FSTL5: variants seen among roughly 807,000 people sequenced by gnomAD.
FSTL5 encodes the protein follistatin like 5.
A neutral mutation model predicts 89.1 loss-of-function variants in FSTL5; 62 were observed. That is an observed-to-expected ratio of 0.70 (90% CI 0.57 to 0.86). FSTL5 has a LOEUF of 0.86. FSTL5 is among the 40% of genes least tolerant of loss of function. The pLI is 0.00. For synonymous variants in FSTL5, 383 were observed against 346.2 expected, an observed-to-expected ratio of 1.11 and a Z score of -1.18; for missense variants, 1,057 against 1,001.6, an observed-to-expected ratio of 1.06 and a Z score of -0.75.
intron 2 of FSTL5, among the ~76,000 whole-genome samples, chr4:162,100,805 T>C (rs1730967080): frequency 6.6e-6 from 1 of 152,162 alleles, no homozygotes; most frequent in Admixed American, 6.5e-5. Context: ...TCAGTTTAGC[T>C]GTGAACCTAA....
intron 3 of FSTL5, among the ~76,000 whole-genome samples, chr4:162,021,923 C>G (rs1356720849): frequency 1.3e-5 from 2 of 151,796 alleles, no homozygotes; most frequent in Non-Finnish European, 2.9e-5. Flanking sequence ...AAACCCGTTT[C>G]TCCTAAAAAA....
At chr4:162,002,136 AAG>A (rs1323801286) in intron 3 of FSTL5, among the ~76,000 whole-genome samples, 4 of 152,186 alleles carry the variant, frequency 2.6e-5, no homozygotes, top group Non-Finnish European at 5.9e-5. Context: ...TATAAACTGA[AAG>A]AGATTTGTAT....
intron 15 of FSTL5, among the ~76,000 whole-genome samples, chr4:161,447,789 G>C (rs1316700283): frequency 1.3e-5 from 2 of 152,108 alleles, no homozygotes; most frequent in African/African-American, 4.8e-5. Context: ...ATGTTACGTA[G>C]ATGAAGCTTT....
At chr4:161,585,347 C>A (rs1189607045) in intron 8 of FSTL5, among the ~76,000 whole-genome samples, 2 of 152,250 alleles carry the variant, frequency 1.3e-5, no homozygotes, top group Admixed American at 1.3e-4. Context: ...TCCTGAGAAG[C>A]TTTTCAAAAT....
At chr4:162,059,331 A>G (rs1170953147) in intron 2 of FSTL5, among the ~76,000 whole-genome samples, 1 of 152,194 alleles carries the variant, frequency 6.6e-6, no homozygotes, top group East Asian at 1.9e-4. Flanking sequence ...ATAGGACATC[A>G]CGCATGGTAG....
At chr4:161,980,547 T>G (rs1735797366) in intron 3 of FSTL5, among the ~76,000 whole-genome samples, 1 of 152,014 alleles carries the variant, frequency 6.6e-6, no homozygotes, top group Non-Finnish European at 1.5e-5. Flanking sequence ...ATATTCTCTT[T>G]CTTCCTTGTT....
intron 6 of FSTL5, among the ~76,000 whole-genome samples, chr4:161,666,574 CG>C (rs1373263150): frequency 1.3e-5 from 2 of 151,962 alleles, no homozygotes; most frequent in Non-Finnish European, 2.9e-5. Context: ...ATAGAAAAGG[CG>C]GAGAGTTTAG....
chr4:162,160,592 T>C (rs535700067), intron 1 of FSTL5, among the ~76,000 whole-genome samples: 3 of 151,882 alleles, frequency 2.0e-5, no homozygotes, highest in Non-Finnish European at 3.0e-5. Flanking sequence ...TGGGCAAATA[T>C]GAAGAACTAA....
chr4:161,676,747 G>GCGCACA lies in FSTL5; in HGVS notation c.728-20254_728-20253insTGTGCG, dbSNP rs1553957418. Among the ~76,000 whole-genome samples, 4 of 143,354 alleles carry GCGCACA rather than the reference G, an allele frequency of 2.8e-5. No homozygotes were observed. In the East Asian group the frequency reaches 6.1e-4, roughly 22 times the overall value. 94.0% of individuals were successfully genotyped at this position (143,354 alleles called of 152,430 possible). On this transcript the variant is annotated intron_variant, in intron 6 of 15. Coordinates refer to ENST00000306100, the MANE Select transcript of FSTL5 (RefSeq NM_020116.5). ...TTCACTATTTGGAAAATACATACACGCACACACACACACACACACACACAT... is the reference window on the plus strand; with the variant it reads ...TTCACTATTTGGAAAATACATACACGCGCACACACACACACACACACACACACACAT...
At chr4:161,756,941 C>T (rs1346145091) in intron 6 of FSTL5, among the ~76,000 whole-genome samples, 1 of 152,144 alleles carries the variant, frequency 6.6e-6, no homozygotes, top group African/African-American at 2.4e-5. Flanking sequence ...AAGTTGCCTA[C>T]TTCTGTTAGT....
chr4:161,530,702 T>C (rs948031103), intron 10 of FSTL5, among the ~76,000 whole-genome samples: 2 of 152,100 alleles, frequency 1.3e-5, no homozygotes, highest in African/African-American at 4.8e-5. Flanking sequence ...CATACTCTGA[T>C]ACTCTCAAAC....
Position 161,531,762 on chromosome 4 carries a change from A to G in FSTL5, c.1312+6404T>C, listed in dbSNP as rs1007927236. 2.4e-4 allele frequency among the ~76,000 whole-genome samples: 37 copies of G among 152,282 alleles called. 1 individual carries two copies. Among genetic ancestry groups the G allele is most frequent in the Admixed American group, 2.4e-3 (36 of 15,298 alleles). ...ATAATATTTAATATTTGAATGCATA[A>G]AAATGGATGCCCCTACATACTCATA... On this transcript the variant is annotated intron_variant, in intron 10 of 15. Coordinates refer to ENST00000306100, the MANE Select transcript of FSTL5 (RefSeq NM_020116.5).
chr4:162,160,342 A>G (rs1733646617), intron 1 of FSTL5, among the ~76,000 whole-genome samples: 1 of 151,864 alleles, frequency 6.6e-6, no homozygotes, highest in Non-Finnish European at 1.5e-5. Flanking sequence ...TAATTGGAAA[A>G]TTAGGATATT....
chr4:161,985,076 C>A (rs1204200673), intron 3 of FSTL5, among the ~76,000 whole-genome samples: 2 of 151,958 alleles, frequency 1.3e-5, no homozygotes, highest in African/African-American at 4.8e-5. Flanking sequence ...CGTGCTTCAG[C>A]CTCCGGAGTA....
intron 3 of FSTL5, among the ~76,000 whole-genome samples, chr4:161,992,864 ATATATATATATATATATAT>A (rs1736157956): frequency 3.0e-5 from 2 of 65,580 alleles, no homozygotes; most frequent in South Asian, 1.1e-3. Context: ...AAAAAAAAAT[ATATATATATATATATATAT>A]ATATATATAT....
intron 8 of FSTL5, among the ~76,000 whole-genome samples, chr4:161,577,298 T>A (rs565042631): frequency 3.9e-5 from 6 of 151,930 alleles, no homozygotes; most frequent in Non-Finnish European, 7.4e-5. Flanking sequence ...CCATACAACT[T>A]TAAGGCCTTT....
intron 4 of FSTL5, among the ~76,000 whole-genome samples, chr4:161,845,566 T>C (rs778282840): frequency 2.6e-5 from 4 of 152,206 alleles, no homozygotes; most frequent in African/African-American, 4.8e-5. Context: ...TCTGAATACA[T>C]TGGAAACTTT....
intron 6 of FSTL5, among the ~76,000 whole-genome samples, chr4:161,748,502 G>A (rs375618359): frequency 6.8e-4 from 104 of 151,854 alleles, no homozygotes; most frequent in Middle Eastern, 3.4e-3. Context: ...ACTTCAAAAC[G>A]TGGAAGGTAA....
At chr4:161,872,971 A>G (rs1006214023) in intron 4 of FSTL5, among the ~76,000 whole-genome samples, 1 of 152,242 alleles carries the variant, frequency 6.6e-6, no homozygotes, top group Non-Finnish European at 1.5e-5. Flanking sequence ...ACTGTGCTTG[A>G]AACATGTTAG....
Sources: gnomAD v4.1 joint callset for allele counts (sites outside exome capture counted in the v4.1 genomes callset) on GRCh38, gnomAD v4.1.1 for gene constraint, MANE v1.5 for transcripts, NCBI Gene and HGNC (gene_info 2026-07-23, HGNC 2026-07-21) for gene names.